The following CACNA1A variants were observed in gnomAD, a reference collection of about 807,000 sequenced individuals.
The protein encoded by CACNA1A is voltage-dependent P/Q-type calcium channel subunit alpha-1A.
In CACNA1A, 57 loss-of-function variants were observed where a neutral mutation model predicts 262.4. The observed-to-expected ratio is 0.22, with a 90% confidence interval of 0.18 to 0.27. The LOEUF (loss-of-function observed/expected upper bound fraction) is 0.27. Ranked by LOEUF, CACNA1A falls within the 10% of genes least tolerant of loss-of-function variation. The pLI is 1.00. For synonymous variants in CACNA1A, 1,431 were observed against 1,419.3 expected (o/e 1.01, Z -0.18); for missense variants, 2,526 against 3,562.8 (o/e 0.71, Z 7.41).
intron 5 of CACNA1A, among the ~76,000 whole-genome samples, chr19:13,360,937 T>C (rs2059100341): frequency 6.6e-6 from 1 of 152,226 alleles, no homozygotes; most frequent in Non-Finnish European, 1.5e-5. Flanking sequence ...TGTATTTTTT[T>C]CAGCTTTTTG....
chr19:13,354,502 A>G (rs1440464821), intron 6 of CACNA1A, among the ~76,000 whole-genome samples: 1 of 152,168 alleles, frequency 6.6e-6, no homozygotes, highest in Non-Finnish European at 1.5e-5. Flanking sequence ...TCCTCAGCAG[A>G]AACTCAAAGA....
At chr19:13,496,235 A>G (rs1169748067) in intron 1 of CACNA1A, among the ~76,000 whole-genome samples, 1 of 152,280 alleles carries the variant, frequency 6.6e-6, no homozygotes, top group East Asian at 1.9e-4. Context: ...ACTCTTTCAA[A>G]GACAACTCAA....
intron 1 of CACNA1A, among the ~76,000 whole-genome samples, chr19:13,483,245 G>A (rs1979571212): frequency 1.3e-5 from 2 of 152,144 alleles, no homozygotes; most frequent in Non-Finnish European, 2.9e-5. Context: ...GCCGGGTCCT[G>A]AAATCACCAC....
At chr19:13,382,165 C>T (rs913503557) in intron 3 of CACNA1A, among the ~76,000 whole-genome samples, 3 of 152,130 alleles carry the variant, frequency 2.0e-5, no homozygotes, top group Admixed American at 2.0e-4. Flanking sequence ...ACAAGTCCCT[C>T]TGACCCCAGG....
In CACNA1A at chr19:13,212,004, C is replaced by T. The variant is rs569020124; in HGVS notation, c.6303+99G>A. ...AGGAGTCCCTACCCAGGCCTGAGTC[C>T]GGCAGGGAGGGGATGCACTGGGCTG... On this transcript the variant is annotated intron_variant, in intron 43 of 46. Coordinates refer to ENST00000360228, the MANE Select transcript of CACNA1A (RefSeq NM_001127222.2). The surrounding 1 kb of genome is among the most constrained non-coding windows in gnomAD (Gnocchi z 5.6). The T allele has an allele frequency of 2.6e-5, 19 of 742,560 alleles. No individual in the cohort carries two copies. The highest frequency in any genetic ancestry group is 2.1e-4 in the African/African-American group (10 of 47,060). The allele number at this position is 742,560 out of a possible 1,614,324, so 46.0% of individuals were successfully genotyped here. A position where few individuals can be genotyped will look rare whatever the true frequency, so the allele number is the denominator to read the frequency against.
intron 3 of CACNA1A, among the ~76,000 whole-genome samples, chr19:13,421,846 C>G (rs1156806924): frequency 1.3e-5 from 2 of 152,122 alleles, no homozygotes; most frequent in African/African-American, 4.8e-5. Context: ...CAGGTGCTCT[C>G]TGGGCAAAGG....
At chr19:13,493,885 C>A (rs1458309362) in intron 1 of CACNA1A, among the ~76,000 whole-genome samples, 1 of 152,200 alleles carries the variant, frequency 6.6e-6, no homozygotes, top group Non-Finnish European at 1.5e-5. Context: ...CCATACAGCA[C>A]CACTGTATGA....
chr19:13,466,306 CCTT>C (rs1287327550), intron 1 of CACNA1A, among the ~76,000 whole-genome samples: 2 of 147,952 alleles, frequency 1.4e-5, no homozygotes, highest in Middle Eastern at 3.5e-3. Flanking sequence ...GAGGCTCTGT[CCTT>C]TTTTTTTTTT....
intron 31 of CACNA1A, among the ~76,000 whole-genome samples, chr19:13,242,795 C>G (rs2056114401): frequency 1.3e-5 from 2 of 152,166 alleles, no homozygotes; most frequent in African/African-American, 2.4e-5. Flanking sequence ...GTGAGTCTTG[C>G]AAGTGTCTGA....
chr19:13,502,348 G>C, intron 1 of CACNA1A, among the ~76,000 whole-genome samples: 1 of 152,162 alleles, frequency 6.6e-6, no homozygotes, highest in East Asian at 1.9e-4. Flanking sequence ...TGCTTCCAGT[G>C]TTCCTCCGAT....
At chr19:13,470,866 G>A (rs1010091003) in intron 1 of CACNA1A, among the ~76,000 whole-genome samples, 31 of 152,194 alleles carry the variant, frequency 2.0e-4, no homozygotes, top group African/African-American at 7.5e-4. Flanking sequence ...TCTTCTTAGA[G>A]CATCTCATAG....
At chr19:13,399,422 A>C (rs2059862220) in intron 3 of CACNA1A, among the ~76,000 whole-genome samples, 2 of 146,096 alleles carry the variant, frequency 1.4e-5, no homozygotes, top group South Asian at 2.2e-4. Flanking sequence ...AAGAAGAAGA[A>C]GGAGAGAAAA....
intron 6 of CACNA1A, among the ~76,000 whole-genome samples, chr19:13,349,834 CCTAGGGAAGT>C (rs2058874209): frequency 1.3e-5 from 2 of 152,102 alleles, no homozygotes; most frequent in Admixed American, 1.3e-4. Flanking sequence ...CAGGCTGATG[CCTAGGGAAGT>C]AGCCAAAACA....
Position 13,212,015 on chromosome 19 carries a change from G to A in CACNA1A, c.6303+88C>T. 3 of 912,992 alleles carry A rather than the reference G, an allele frequency of 3.3e-6. No homozygotes were observed. In the South Asian group the frequency reaches 4.4e-5, roughly 13 times the overall value. The allele number at this position is 912,992 out of a possible 1,614,324, so 56.6% of individuals were successfully genotyped here. A position where few individuals can be genotyped will look rare whatever the true frequency, so the allele number is the denominator to read the frequency against. On this transcript the variant is annotated intron_variant, in intron 43 of 46. Transcript: ENST00000360228. This position sits in a 1 kb window ranked among gnomAD's most constrained non-coding sequence, Gnocchi z 5.6. ...CCCAGGCCTGAGTCCGGCAGGGAGG[G>A]GATGCACTGGGCTGCTTGTGGGGGG...
At chr19:13,490,687 AGAAAG>A (rs1980671735) in intron 1 of CACNA1A, among the ~76,000 whole-genome samples, 1 of 106,422 alleles carries the variant, frequency 9.4e-6, no homozygotes, top group Non-Finnish European at 1.9e-5. Context: ...AGAGAGAGAA[AGAAAG>A]GAAAGAAAGA....
At position 13,286,566 on chromosome 19, in the gene CACNA1A, C is replaced by T. The variant is rs775838621; in HGVS notation, c.3490G>A (p.Asp1164Asn). ...TNSAKTARKP[D>N]HTTVDIPPAC... ...GGGGGGATGTCCACTGTGGTGTGGTCGGGTTTCCTGGCAGTCTTAGCTGAA... is the reference window on the plus strand; with the variant it reads ...GGGGGGATGTCCACTGTGGTGTGGTTGGGTTTCCTGGCAGTCTTAGCTGAA... The change falls in exon 20 of 47, where the codon GAC (aspartate) becomes AAC (asparagine). Residue 1164 changes from aspartate (D) to asparagine (N), a missense_variant. Coordinates refer to ENST00000360228, the MANE Select transcript of CACNA1A (RefSeq NM_001127222.2). 14 of 1,544,124 alleles carry T rather than the reference C, an allele frequency of 9.1e-6. No individual in the cohort carries two copies. Among genetic ancestry groups the T allele is most frequent in the African/African-American group, 4.3e-5 (3 of 70,290 alleles).
chr19:13,336,596 A>AGAGG (rs1555768108), intron 6 of CACNA1A, among the ~76,000 whole-genome samples: 29 of 89,632 alleles, frequency 3.2e-4, no homozygotes, highest in African/African-American at 1.5e-3. Context: ...AGAGAGAGGG[A>AGAGG]GAGAGAGAGA....
At chr19:13,501,747 C>T (rs1982404804) in intron 1 of CACNA1A, among the ~76,000 whole-genome samples, 1 of 152,186 alleles carries the variant, frequency 6.6e-6, no homozygotes, top group African/African-American at 2.4e-5. Context: ...GCACATCTAA[C>T]ATTTCTGCTG....
At chr19:13,253,202 C>T (rs2056448725) in intron 29 of CACNA1A, 101 bp from the exon 30 acceptor site, 1 of 694,948 alleles carries the variant, frequency 1.4e-6, no homozygotes. Flanking sequence ...ACACTCCAGC[C>T]CCAGGCAAGG....
Sources: allele counts gnomAD v4.1 joint callset (sites outside exome capture counted in the v4.1 genomes callset), GRCh38; gene constraint gnomAD v4.1.1; non-coding constraint Gnocchi (gnomAD v3.1); transcripts MANE v1.5; gene names NCBI Gene and HGNC (gene_info 2026-07-23, HGNC 2026-07-21).